The following GADL1 variants were observed in gnomAD, a reference collection of about 807,000 sequenced individuals.
The protein encoded by GADL1 is GAD like acidic amino acid decarboxylase 1.
A neutral mutation model predicts 69.5 loss-of-function variants in GADL1; 71 were observed. The observed-to-expected ratio is 1.02, with a 90% CI of 0.84 to 1.25. The LOEUF (loss-of-function observed/expected upper bound fraction) is 1.25, where lower values mean the gene tolerates loss of function less well. Among genes scored for constraint, GADL1 ranks in the 50% most tolerant of loss-of-function variants. The pLI, the probability that GADL1 is intolerant of heterozygous loss-of-function variation, is 0.00. For missense variants in GADL1, 737 were observed against 631.8 expected, an observed-to-expected ratio of 1.17 and a Z score of -1.79; for synonymous variants, 254 against 214.4, an observed-to-expected ratio of 1.18 and a Z score of -1.62.
intron 11 of GADL1, among the ~76,000 whole-genome samples, chr3:30,815,038 TAA>T (rs1333479802): frequency 1.3e-5 from 2 of 152,166 alleles, no homozygotes; most frequent in South Asian, 2.1e-4. Context: ...ACTTAGCCAC[TAA>T]AAGAGATACT....
intron 14 of GADL1, among the ~76,000 whole-genome samples, chr3:30,751,821 T>C (rs1695827126): frequency 6.7e-6 from 1 of 150,218 alleles, no homozygotes. Flanking sequence ...CTTGGAAAGC[T>C]TTTTTTGTCT....
At chr3:30,872,816 G>T (rs1698511580) in intron 1 of GADL1, among the ~76,000 whole-genome samples, 2 of 151,896 alleles carry the variant, frequency 1.3e-5, no homozygotes, top group Non-Finnish European at 2.9e-5. Context: ...AAACTAGAGA[G>T]CCATATGAAT....
chr3:30,756,123 C>T (rs1027867108), intron 14 of GADL1, among the ~76,000 whole-genome samples: 3 of 152,162 alleles, frequency 2.0e-5, no homozygotes, highest in Non-Finnish European at 2.9e-5. Context: ...TGAAATGACT[C>T]GCCACTCTTC....
intron 11 of GADL1, among the ~76,000 whole-genome samples, chr3:30,816,546 T>TAA (rs1559507864): frequency 1.4e-5 from 1 of 73,908 alleles, no homozygotes; most frequent in African/African-American, 5.6e-5. Flanking sequence ...TTTTTTTTTT[T>TAA]TTTTTTTTTT....
At chr3:30,845,308 G>A (rs1180565100) in intron 6 of GADL1, among the ~76,000 whole-genome samples, 3 of 152,252 alleles carry the variant, frequency 2.0e-5, no homozygotes, top group South Asian at 2.1e-4. Context: ...TAATTAGCAT[G>A]CAAACATTGG....
In GADL1 at chr3:30,861,647, G is replaced by A; in HGVS notation, c.156C>T (p.Ala52=). The change falls in exon 2 of 15, where the codon GCC becomes GCT. Residue 52 remains alanine, a synonymous_variant. Transcript: ENST00000282538. ...AKAGEKFVEE[A]CRLIMEEVVL... ...CCACCTCTTCCATTATTAGCCTACA[G>A]GCCTCTTCAACAAATTTTTCTCCAG... 2 of 1,550,278 alleles carry A rather than the reference G, an allele frequency of 1.3e-6. No homozygotes were observed. The highest frequency in any genetic ancestry group is 2.4e-5 in the East Asian group (1 of 40,874).
chr3:30,757,946 A>G (rs1165570044), intron 14 of GADL1, among the ~76,000 whole-genome samples: 3 of 152,228 alleles, frequency 2.0e-5, no homozygotes, highest in Non-Finnish European at 4.4e-5. Context: ...CTTATTGAGC[A>G]TGTTACCATG....
At chr3:30,857,603 C>T (rs1227575220) in intron 2 of GADL1, among the ~76,000 whole-genome samples, 1 of 152,038 alleles carries the variant, frequency 6.6e-6, no homozygotes, top group Non-Finnish European at 1.5e-5. Context: ...TGTGTGTACC[C>T]GGCCCTATGC....
intron 1 of GADL1, among the ~76,000 whole-genome samples, chr3:30,891,972 C>T (rs1698793949): frequency 6.6e-6 from 1 of 152,046 alleles, no homozygotes; most frequent in Non-Finnish European, 1.5e-5. Context: ...AAATTTTTGA[C>T]CCACCATGAA....
chr3:30,873,100 A>G (rs976950196), intron 1 of GADL1, among the ~76,000 whole-genome samples: 4 of 151,976 alleles, frequency 2.6e-5, no homozygotes, highest in African/African-American at 9.7e-5. Flanking sequence ...AAAAAGAAAT[A>G]TAATGCAAGC....
At chr3:30,865,302 TA>T (rs11294147) in intron 1 of GADL1, among the ~76,000 whole-genome samples, 26,567 of 110,114 alleles carry the variant, frequency 0.24, 6,040 homozygotes, top group African/African-American at 0.56. Flanking sequence ...TATATATATA[TA>T]TATTTTTTAA....
At chr3:30,864,059 C>T (rs575816618) in intron 1 of GADL1, among the ~76,000 whole-genome samples, 1 of 151,970 alleles carries the variant, frequency 6.6e-6, no homozygotes, top group Non-Finnish European at 1.5e-5. Context: ...AAACATTTAA[C>T]ATGGTTTAGG....
rs180816522 is a variant in GADL1 at position 30,802,025 on chromosome 3, T to C, written c.1051-937A>G. Among the ~76,000 whole-genome samples the C allele has an allele frequency of 9.2e-5, 14 of 152,360 alleles. No homozygotes were observed. The East Asian group carries it at 1.9e-3, about 21-fold the overall frequency. On this transcript the variant is annotated intron_variant, in intron 11 of 14. Coordinates refer to ENST00000282538, the MANE Select transcript of GADL1 (RefSeq NM_207359.3). ...GATACTTGACACTTTCAAAAGAATA[T>C]ATGCAGTCTACTTATAAGCTGCGAA... is the stretch of plus-strand genomic sequence containing the variant.
chr3:30,754,392 G>C (rs1695912862), intron 14 of GADL1, among the ~76,000 whole-genome samples: 1 of 152,120 alleles, frequency 6.6e-6, no homozygotes, highest in African/African-American at 2.4e-5. Context: ...GCTACATTCT[G>C]ATAGGATATA....
chr3:30,888,054 C>A (rs1382901013), intron 1 of GADL1, among the ~76,000 whole-genome samples: 1 of 149,202 alleles, frequency 6.7e-6, no homozygotes, highest in Non-Finnish European at 1.5e-5. Flanking sequence ...ATTTATAACA[C>A]CTAATACGAT....
At chr3:30,840,878 T>C (rs187164683) in intron 8 of GADL1, among the ~76,000 whole-genome samples, 3 of 152,346 alleles carry the variant, frequency 2.0e-5, no homozygotes, top group South Asian at 2.1e-4. Context: ...TCTAAGAAAA[T>C]TTGTCATTTC....
At chr3:30,755,455 A>T (rs1695945647) in intron 14 of GADL1, among the ~76,000 whole-genome samples, 1 of 152,254 alleles carries the variant, frequency 6.6e-6, no homozygotes, top group Non-Finnish European at 1.5e-5. Flanking sequence ...AAGATTATTC[A>T]CACATCTAAA....
intron 14 of GADL1, among the ~76,000 whole-genome samples, chr3:30,731,869 G>A (rs1695462637): frequency 6.6e-6 from 1 of 152,190 alleles, no homozygotes; most frequent in Non-Finnish European, 1.5e-5. Context: ...TAACATCAAA[G>A]CTGATATTCA....
intron 11 of GADL1, among the ~76,000 whole-genome samples, chr3:30,814,984 T>A (rs61062039): frequency 0.25 from 38,115 of 150,612 alleles, 5,528 homozygotes; most frequent in African/African-American, 0.39. Flanking sequence ...AAAAAAAAAT[T>A]TTTTTCATTA....
Sources: allele counts gnomAD v4.1 joint callset (sites outside exome capture counted in the v4.1 genomes callset), GRCh38; gene constraint gnomAD v4.1.1; transcripts MANE v1.5; gene names NCBI Gene and HGNC (gene_info 2026-07-23, HGNC 2026-07-21).